Variants in ERC1 observed in about 807,000 individuals in gnomAD.
ERC1 encodes the protein ELKS/RAB6-interacting/CAST family member 1, also known as RAB6 interacting protein 2.
In ERC1, 56 loss-of-function variants were observed where a neutral mutation model predicts 132.0. That is an observed-to-expected ratio of 0.42 (90% CI 0.34 to 0.53). The LOEUF (loss-of-function observed/expected upper bound fraction) is 0.53. ERC1 is among the 20% of genes least tolerant of loss of function. ERC1 has a pLI of 0.03. For missense variants in ERC1, 1,202 were observed against 1,349.9 expected, an observed-to-expected ratio of 0.89 and a Z score of 1.72; for synonymous variants, 478 against 476.1, an observed-to-expected ratio of 1.00 and a Z score of -0.05.
At chr12:1,397,283 G>A (rs2090623238) in intron 16 of ERC1, among the ~76,000 whole-genome samples, 2 of 152,192 alleles carry the variant, frequency 1.3e-5, no homozygotes, top group Admixed American at 6.5e-5. Flanking sequence ...CGTTGACTTT[G>A]TGACCCAGAA....
intron 18 of ERC1, among the ~76,000 whole-genome samples, chr12:1,466,969 C>T (rs1026184186): frequency 6.6e-6 from 1 of 152,124 alleles, no homozygotes; most frequent in East Asian, 1.9e-4. Flanking sequence ...ATAGTCTGAA[C>T]GAGTGAAAGA....
At chr12:1,078,815 T>A (rs1033342030) in intron 2 of ERC1, among the ~76,000 whole-genome samples, 8 of 152,106 alleles carry the variant, frequency 5.3e-5, no homozygotes, top group African/African-American at 1.9e-4. Flanking sequence ...ATTTGTAATA[T>A]GACAAAAGTC....
At chr12:1,304,777 C>CTTT (rs1395492621) in intron 15 of ERC1, among the ~76,000 whole-genome samples, 5 of 101,222 alleles carry the variant, frequency 4.9e-5, no homozygotes, top group Admixed American at 1.0e-4. Context: ...TTTGTTGTAA[C>CTTT]TCTTTTTTTT....
intron 13 of ERC1, among the ~76,000 whole-genome samples, chr12:1,260,808 G>A (rs2077096239): frequency 6.6e-6 from 1 of 152,114 alleles, no homozygotes; most frequent in Non-Finnish European, 1.5e-5. Flanking sequence ...GCTTTACATC[G>A]AAATGTTATG....
chr12:1,065,330 T>G (rs1459701911), intron 2 of ERC1, among the ~76,000 whole-genome samples: 1 of 152,212 alleles, frequency 6.6e-6, no homozygotes, highest in African/African-American at 2.4e-5. Context: ...AGACCTGTCT[T>G]CAAGTTCAGA....
chr12:1,385,350 A>T (rs1231131917), intron 16 of ERC1, among the ~76,000 whole-genome samples: 3 of 151,564 alleles, frequency 2.0e-5, no homozygotes, highest in Non-Finnish European at 2.9e-5. Flanking sequence ...TGGTGTGATC[A>T]CGGCTCACTG....
chr12:1,290,145 C>G lies in ERC1; in HGVS notation c.2780+133C>G, dbSNP rs2079339032. Reference sequence around the variant, plus strand: ...TTAGTGCTAACTTGTATTTCTCACTCTCTAGAATAAATTTGGTCAAAGGTG... The same window carrying G: ...TTAGTGCTAACTTGTATTTCTCACTGTCTAGAATAAATTTGGTCAAAGGTG... On this transcript the variant is annotated intron_variant, in intron 15 of 18. Coordinates refer to ENST00000360905, the MANE Select transcript of ERC1 (RefSeq NM_178040.4). 5.5e-6 allele frequency: 4 copies of G among 729,376 alleles called. No individual in the cohort carries two copies. In the South Asian group the frequency reaches 6.0e-5, roughly 11 times the overall value. The allele number at this position is 729,376 out of a possible 1,614,324, so 45.2% of individuals were successfully genotyped here.
At chr12:1,385,279 T>C (rs893127231) in intron 16 of ERC1, among the ~76,000 whole-genome samples, 1 of 152,144 alleles carries the variant, frequency 6.6e-6, no homozygotes, top group African/African-American at 2.4e-5. Flanking sequence ...ATTACCTTCC[T>C]ATCTTTTTTT....
rs1008287933 is a variant in ERC1, at chr12:1,490,923, T to A, written c.*693T>A. 4 of 232,684 alleles carry A rather than the reference T, an allele frequency of 1.7e-5. No homozygotes were observed. Among genetic ancestry groups the A allele is most frequent in the African/African-American group, 8.8e-5 (4 of 45,298 alleles). The allele number at this position is 232,684 out of a possible 1,614,324, so 14.4% of individuals were successfully genotyped here. On this transcript the variant is annotated 3_prime_UTR_variant, in exon 19 of 19. Coordinates refer to ENST00000360905, the MANE Select transcript of ERC1 (RefSeq NM_178040.4). ...TTCCTCACTCTGTTCCTCGGCCAGT[T>A]AACAAGAAGATGGTGTGAGGTGTTC... is the stretch of plus-strand genomic sequence containing the variant.
chr12:1,061,325 A>G (rs1472384465), intron 2 of ERC1, among the ~76,000 whole-genome samples: 1 of 151,444 alleles, frequency 6.6e-6, no homozygotes, highest in Admixed American at 6.6e-5. Context: ...GGCTGGGCGT[A>G]GTGGGCCATG....
At position 1,491,797 on chromosome 12, in the gene ERC1, T is replaced by C; in HGVS notation, c.*1567T>C. ...CCAAGACTGCAAATCAATGAAGGTATTGGCATTGTTAAGGACGTAGCGTAG... is the reference window on the plus strand; with the variant it reads ...CCAAGACTGCAAATCAATGAAGGTACTGGCATTGTTAAGGACGTAGCGTAG... On this transcript the variant is annotated 3_prime_UTR_variant, in exon 19 of 19. Transcript: ENST00000360905. The C allele has an allele frequency of 4.3e-6, 1 of 232,300 alleles. No homozygotes were observed. The highest frequency in any genetic ancestry group is 6.1e-5 in the East Asian group (1 of 16,440). The allele number at this position is 232,300 out of a possible 1,614,324, so 14.4% of individuals were successfully genotyped here. A position where few individuals can be genotyped will look rare whatever the true frequency, so the allele number is the denominator to read the frequency against.
At chr12:1,445,991 T>A (rs2093293862) in intron 18 of ERC1, among the ~76,000 whole-genome samples, 1 of 152,220 alleles carries the variant, frequency 6.6e-6, no homozygotes. Flanking sequence ...CCTTGTGTCC[T>A]GTCGCATGCT....
intron 15 of ERC1, among the ~76,000 whole-genome samples, chr12:1,291,685 C>T (rs2079462257): frequency 6.6e-6 from 1 of 152,160 alleles, no homozygotes; most frequent in African/African-American, 2.4e-5. Flanking sequence ...CTGGAATAAT[C>T]CTGACTTCAT....
chr12:1,107,836 G>T (rs1414368597), intron 4 of ERC1, among the ~76,000 whole-genome samples: 1 of 152,134 alleles, frequency 6.6e-6, no homozygotes, highest in Admixed American at 6.5e-5. Context: ...TGGTGTTGGG[G>T]TGTTATTGAC....
chr12:1,334,963 T>G (rs1374631313), intron 15 of ERC1, among the ~76,000 whole-genome samples: 1 of 152,194 alleles, frequency 6.6e-6, no homozygotes, highest in African/African-American at 2.4e-5. Flanking sequence ...TTAGCTGTAT[T>G]CGTAGGTATT....
chr12:1,077,934 GA>G lies in ERC1; in HGVS notation c.670-5226del, dbSNP rs1353286188. On this transcript the variant is annotated intron_variant, in intron 2 of 18. Transcript: ENST00000360905. The stretch of plus-strand genomic sequence containing the variant: ...AAATGTTGGTTTATATTTTAGTGGA[GA>G]AAACTGCTGTATAGACTTCTAGGCT... Among the ~76,000 whole-genome samples, 6 of 152,260 alleles carry G rather than the reference GA, an allele frequency of 3.9e-5. No homozygotes were observed. In the South Asian group the frequency reaches 1.2e-3, roughly 32 times the overall value.
chr12:1,334,310 T>A (rs2083129194), intron 15 of ERC1, among the ~76,000 whole-genome samples: 1 of 152,210 alleles, frequency 6.6e-6, no homozygotes, highest in Admixed American at 6.5e-5. Context: ...CTTTGCCCAT[T>A]CCTGTGTCCT....
chr12:1,148,870 G>A (rs1014530255), intron 8 of ERC1, among the ~76,000 whole-genome samples: 1 of 152,138 alleles, frequency 6.6e-6, no homozygotes, highest in Admixed American at 6.5e-5. Flanking sequence ...CCAAAGTGCA[G>A]GGATCACAGG....
intron 17 of ERC1, among the ~76,000 whole-genome samples, chr12:1,429,745 T>C (rs79895634): frequency 0.035 from 5,380 of 152,262 alleles, 152 homozygotes; most frequent in African/African-American, 0.072. Context: ...GAGCTAACTC[T>C]TGAAGGAGCA....
Sources: allele counts gnomAD v4.1 joint callset (sites outside exome capture counted in the v4.1 genomes callset), GRCh38; gene constraint gnomAD v4.1.1; transcripts MANE v1.5; gene names NCBI Gene and HGNC (gene_info 2026-07-23, HGNC 2026-07-21).